ENKUR: variants seen among roughly 807,000 people sequenced by gnomAD.
The protein encoded by ENKUR is enkurin, TRPC channel interacting protein, also known as enkurin.
In ENKUR, 19 loss-of-function variants were observed where a neutral mutation model predicts 27.6. The observed-to-expected ratio is 0.69, with a 90% CI of 0.48 to 1.01. The LOEUF (loss-of-function observed/expected upper bound fraction) is 1.01, where lower values mean the gene tolerates loss of function less well. ENKUR is among the 50% of genes least tolerant of loss of function. The pLI is 0.00. For synonymous variants in ENKUR, 117 were observed against 96.9 expected, an observed-to-expected ratio of 1.21 and a Z score of -1.22; for missense variants, 312 against 310.5, an observed-to-expected ratio of 1.00 and a Z score of -0.04.
At chr10:25,001,711 T>C (rs769175254) in intron 1 of ENKUR, among the ~76,000 whole-genome samples, 62 of 152,302 alleles carry the variant, frequency 4.1e-4, no homozygotes, top group Admixed American at 1.4e-3. Flanking sequence ...AGAAGTTAGA[T>C]TTGGATCTCT....
At position 25,015,975 on chromosome 10, in the gene ENKUR, T is replaced by C; in HGVS notation, c.-39A>G. ...CTCCTTAAAAGCTACTCTCCACAAC[T>C]TTTTTCTCCCTGTCCCAGTATCTCC... On this transcript the variant is annotated 5_prime_UTR_variant, in exon 1 of 6. Transcript: ENST00000331161. 1 of 1,585,510 alleles carries C rather than the reference T, an allele frequency of 6.3e-7. No individual in the cohort carries two copies. The highest frequency in any genetic ancestry group is 1.8e-5 in the Admixed American group (1 of 55,008).
At position 25,016,092 on chromosome 10, in the gene ENKUR, CT is replaced by C; in HGVS notation, c.-157del. 1 of 1,328,108 alleles carries C rather than the reference CT, an allele frequency of 7.5e-7. No individual in the cohort carries two copies. 82.3% of individuals were successfully genotyped at this position (1,328,108 alleles called of 1,614,324 possible). On this transcript the variant is annotated 5_prime_UTR_variant, in exon 1 of 6. Coordinates refer to ENST00000331161, the MANE Select transcript of ENKUR (RefSeq NM_145010.4). Reference sequence around the variant, plus strand: ...TCACATCGTCCCCCTTTAACCCCCTCTTAGCAGTCCTCTCTCGGGAAGAAAA... The same window carrying C: ...TCACATCGTCCCCCTTTAACCCCCTCTAGCAGTCCTCTCTCGGGAAGAAAA...
At chr10:24,995,590 C>T in intron 3 of ENKUR, 56 bp downstream of exon 3, 1 of 1,423,016 alleles carries the variant, frequency 7.0e-7, no homozygotes, top group Middle Eastern at 2.0e-4. Flanking sequence ...TCATCATGAA[C>T]ACCATATTTA....
At chr10:25,015,079 C>T (rs1399987989) in intron 1 of ENKUR, among the ~76,000 whole-genome samples, 2 of 152,188 alleles carry the variant, frequency 1.3e-5, no homozygotes. Context: ...GGAAACATTT[C>T]AAGTCCTAGG....
intron 2 of ENKUR, among the ~76,000 whole-genome samples, chr10:25,044,428 A>G (rs1470836821): frequency 1.3e-5 from 2 of 151,956 alleles, no homozygotes; most frequent in African/African-American, 4.8e-5. Flanking sequence ...ATAGCGTTTC[A>G]CTCGGTCACC....
Position 25,025,095 on chromosome 10 carries a change from C to T in ENKUR, c.38-29226G>A, listed in dbSNP as rs746434884. On this transcript the variant is annotated intron_variant, in intron 2 of 5. Coordinates refer to the ENKUR transcript ENST00000615958. Reference sequence around the variant, plus strand: ...CTGACTGGTGCTCTGAGGGAGAGTGCCTAGCAGCTATTAACTCCACCTATA... The same window carrying T: ...CTGACTGGTGCTCTGAGGGAGAGTGTCTAGCAGCTATTAACTCCACCTATA... 1.2e-5 allele frequency: 20 copies of T among 1,614,164 alleles called. No homozygotes were observed. In the East Asian group the frequency reaches 4.2e-4, roughly 34 times the overall value.
chr10:25,061,320 G>A (rs139724986), exon 2 of ENKUR: 136 of 632,218 alleles, frequency 2.2e-4, no homozygotes, highest in African/African-American at 2.0e-3. Context: ...TCCTCCAGCC[G>A]CCTGCTCTGT....
At chr10:25,054,104 T>G (rs1158658474) in intron 2 of ENKUR, among the ~76,000 whole-genome samples, 2 of 152,140 alleles carry the variant, frequency 1.3e-5, no homozygotes, top group African/African-American at 4.8e-5. Context: ...GTAGAAAGGT[T>G]GGGGATAAAA....
At chr10:25,024,976 C>T in intron 2 of ENKUR, 3 of 1,614,130 alleles carry the variant, frequency 1.9e-6, no homozygotes, top group Non-Finnish European at 2.5e-6. Context: ...TAAAGATGGA[C>T]AGCTAATGAC....
At chr10:25,005,009 G>A (rs76312815) in intron 1 of ENKUR, among the ~76,000 whole-genome samples, 52 of 152,046 alleles carry the variant, frequency 3.4e-4, no homozygotes, top group Non-Finnish European at 6.0e-4. Flanking sequence ...ACCATTTATT[G>A]AATATGAAGT....
intron 2 of ENKUR, chr10:25,061,000 C>CGTTGGG: frequency 1.0e-6 from 1 of 1,002,388 alleles, no homozygotes. Context: ...AGGCAAGAGC[C>CGTTGGG]ACTGGGCCTG....
intron 2 of ENKUR, among the ~76,000 whole-genome samples, chr10:25,038,065 T>G (rs888580913): frequency 2.6e-5 from 4 of 152,214 alleles, no homozygotes; most frequent in African/African-American, 4.8e-5. Flanking sequence ...TTGCAGTCAC[T>G]TTCTAAATTA....
At chr10:25,023,866 A>G in intron 2 of ENKUR, 2 of 1,614,206 alleles carry the variant, frequency 1.2e-6, no homozygotes, top group East Asian at 4.5e-5. Flanking sequence ...GGTAGCTGAC[A>G]AAGTGCTGAA....
At chr10:25,042,354 T>A (rs1050608299) in intron 2 of ENKUR, among the ~76,000 whole-genome samples, 1 of 151,136 alleles carries the variant, frequency 6.6e-6, no homozygotes, top group Non-Finnish European at 1.5e-5. Context: ...AATGGCATGA[T>A]CTCAGCATCA....
chr10:24,995,553 G>C, intron 3 of ENKUR, 93 bp downstream of exon 3: 2 of 1,110,100 alleles, frequency 1.8e-6, no homozygotes, highest in Non-Finnish European at 2.6e-6. Context: ...TGTCCAATGA[G>C]AGCACTAATA....
At chr10:25,047,019 G>T (rs749891963) in intron 2 of ENKUR, among the ~76,000 whole-genome samples, 1 of 152,110 alleles carries the variant, frequency 6.6e-6, no homozygotes, top group Non-Finnish European at 1.5e-5. Flanking sequence ...CTCTTACTTT[G>T]CTTTTCACCG....
intron 1 of ENKUR, 102 bp downstream of exon 1, chr10:25,015,758 T>C: frequency 9.0e-7 from 1 of 1,110,380 alleles, no homozygotes; most frequent in Non-Finnish European, 1.2e-6. Flanking sequence ...GAGGCAAAAA[T>C]ACATTTTATT....
chr10:25,035,428 A>G (rs12776058), intron 2 of ENKUR, among the ~76,000 whole-genome samples: 40,266 of 151,922 alleles, frequency 0.27, 6,321 homozygotes, highest in East Asian at 0.5. Flanking sequence ...GGTGGTGCAC[A>G]CCTGTAGTCC....
chr10:24,984,786 TTCTA>T lies in ENKUR; in HGVS notation c.710_713del (p.Leu237HisfsTer6). ...GCTTTTCAATTATGCCAATGTCGTG[TTCTA>T]GTTGTTTCATTTCTTCTTCCAGCCT... is the stretch of plus-strand genomic sequence containing the variant. On this transcript the variant is annotated frameshift_variant, in exon 5 of 6. Transcript: ENST00000331161. LOFTEE classifies it high-confidence loss of function. 1 of 1,613,876 alleles carries T rather than the reference TTCTA, an allele frequency of 6.2e-7. No homozygotes were observed. The highest frequency in any genetic ancestry group is 8.5e-7 in the Non-Finnish European group (1 of 1,179,932).
Sources: allele counts gnomAD v4.1 joint callset (sites outside exome capture counted in the v4.1 genomes callset), GRCh38; gene constraint gnomAD v4.1.1; transcripts MANE v1.5; gene names NCBI Gene and HGNC (gene_info 2026-07-23, HGNC 2026-07-21).